Variants in PPIP5K1 observed in about 807,000 individuals in gnomAD.
PPIP5K1 encodes the protein inositol hexakisphosphate and diphosphoinositol-pentakisphosphate kinase 1.
PPIP5K1 carries 6 observed loss-of-function variants against 27.7 expected under a neutral mutation model. The ratio of observed to expected loss-of-function variants is 0.22; its 90% CI spans 0.12 to 0.43. PPIP5K1 has a LOEUF of 0.43. Ranked by LOEUF, PPIP5K1 falls within the 20% of genes least tolerant of loss-of-function variation. The pLI, the probability that PPIP5K1 is intolerant of heterozygous loss-of-function variation, is 1.00. For synonymous variants in PPIP5K1, 145 were observed against 242.6 expected, an observed-to-expected ratio of 0.60 and a Z score of 3.74; for missense variants, 394 against 635.4, an observed-to-expected ratio of 0.62 and a Z score of 4.08.
At chr15:43,538,633 T>G (rs575356028) in intron 31 of PPIP5K1, among the ~76,000 whole-genome samples, 7 of 152,284 alleles carry the variant, frequency 4.6e-5, no homozygotes, top group African/African-American at 1.7e-4. Flanking sequence ...TGCCTCAGCC[T>G]TCCGAGTAGC....
intron 30 of PPIP5K1, among the ~76,000 whole-genome samples, chr15:43,545,276 A>AC (rs1426289450): frequency 6.6e-6 from 1 of 151,914 alleles, no homozygotes; most frequent in Non-Finnish European, 1.5e-5. Context: ...ACCATTTTGT[A>AC]CCCCCACCAA....
intron 29 of PPIP5K1, 51 bp from the exon 30 acceptor site, chr15:43,558,983 C>A (rs748560546): frequency 4.4e-6 from 7 of 1,605,230 alleles, no homozygotes; most frequent in Admixed American, 3.3e-5. Context: ...CAGATATACC[C>A]CAACTGGCCA....
intron 31 of PPIP5K1, chr15:43,536,089 T>C: frequency 7.8e-7 from 1 of 1,285,720 alleles, no homozygotes; most frequent in Non-Finnish European, 1.0e-6. Flanking sequence ...CAGAAGAATG[T>C]AGAAAAACCA....
chr15:43,556,540 C>CA (rs34579673), intron 30 of PPIP5K1, among the ~76,000 whole-genome samples: 57,826 of 130,342 alleles, frequency 0.44, 14,441 homozygotes, highest in African/African-American at 0.73. Flanking sequence ...AACTCCATCT[C>CA]AAAAAAAAAA....
chr15:43,533,717 T>C lies in PPIP5K1; in HGVS notation c.*957A>G, dbSNP rs1253008059. The C allele has an allele frequency of 4.6e-5, 7 of 152,144 alleles. No individual in the cohort carries two copies. Among genetic ancestry groups the C allele is most frequent in the African/African-American group, 1.7e-4 (7 of 41,502 alleles). The allele number at this position is 152,144 out of a possible 1,614,324, so 9.4% of individuals were successfully genotyped here. On this transcript the variant is annotated 3_prime_UTR_variant, in exon 32 of 32. Coordinates refer to ENST00000420765, the MANE Select transcript of PPIP5K1 (RefSeq NM_001394395.1). ...AAATAAATATATATATATATATTTA[T>C]TAAACCTTTGCTTGTATCTGTACAA... is the stretch of plus-strand genomic sequence containing the variant.
Position 43,534,786 on chromosome 15 carries a change from G to C in PPIP5K1, c.4361C>G (p.Thr1454Ser). 1.9e-6 allele frequency: 3 copies of C among 1,588,384 alleles called. No homozygotes were observed. Among genetic ancestry groups the C allele is most frequent in the Non-Finnish European group, 2.6e-6 (3 of 1,168,296 alleles). Reference sequence around the variant, plus strand: ...CTGAGATAACAGATTGATCGCAGAAGTCTCCTGGGCCAGCCTGCCAACCTC... The same window carrying C: ...CTGAGATAACAGATTGATCGCAGAACTCTCCTGGGCCAGCCTGCCAACCTC... ...SVEVGRLAQETSAINLLSQGI... is the reference protein window; with the variant it reads ...SVEVGRLAQESSAINLLSQGI... Residue 1454 changes from threonine (T) to serine (S), a missense_variant, in exon 32 of 32, where the codon ACT becomes AGT. Coordinates refer to ENST00000420765, the MANE Select transcript of PPIP5K1 (RefSeq NM_001394395.1).
intron 30 of PPIP5K1, 40 bp downstream of exon 30, chr15:43,558,755 G>T: frequency 6.2e-7 from 1 of 1,609,486 alleles, no homozygotes; most frequent in Non-Finnish European, 8.5e-7. Context: ...GCATGGGCAT[G>T]GGGGCAGAGA....
At chr15:43,567,440 T>C (rs1395525378) in intron 26 of PPIP5K1, among the ~76,000 whole-genome samples, 1 of 4,214 alleles carries the variant, frequency 2.4e-4, no homozygotes, top group South Asian at 4.5e-3. Flanking sequence ...TTGTCATTTA[T>C]TTCTCATGCC....
chr15:43,555,661 C>G (rs2082842362), intron 30 of PPIP5K1, among the ~76,000 whole-genome samples: 1 of 151,084 alleles, frequency 6.6e-6, no homozygotes. Context: ...GGCTGGAGTA[C>G]AGTGGCACGA....
intron 8 of PPIP5K1, 170 bp from the exon 9 acceptor site, chr15:43,581,558 T>C: frequency 2.0e-6 from 1 of 512,626 alleles, no homozygotes; most frequent in Non-Finnish European, 3.4e-6. Flanking sequence ...TGAGCCTTAC[T>C]GAAGTATCAT....
At chr15:43,552,632 T>C (rs1057495858) in intron 30 of PPIP5K1, among the ~76,000 whole-genome samples, 5 of 147,824 alleles carry the variant, frequency 3.4e-5, no homozygotes, top group Non-Finnish European at 7.4e-5. Context: ...TAGCTGGAGG[T>C]CGAGGTTGCA....
intron 30 of PPIP5K1, among the ~76,000 whole-genome samples, chr15:43,546,545 C>G (rs1014638660): frequency 1.3e-5 from 2 of 152,022 alleles, no homozygotes; most frequent in Admixed American, 6.6e-5. Context: ...CCTGCCTTGG[C>G]CTAACAAAGA....
Position 43,535,013 on chromosome 15 carries a change from A to G in PPIP5K1, c.4134T>C (p.Ser1378=). 1 of 1,612,460 alleles carries G rather than the reference A, an allele frequency of 6.2e-7. No individual in the cohort carries two copies. The highest frequency in any genetic ancestry group is 2.2e-5 in the East Asian group (1 of 44,772). Residue 1378 remains serine, a synonymous_variant, in exon 32 of 32, where the codon TCT becomes TCC. Transcript: ENST00000420765. ...QKSSQLCQKV[S]EEVCQLCLEN... The stretch of plus-strand genomic sequence containing the variant: ...CCAGACATAGCTGGCAAACTTCCTC[A>G]GAGACTTTCTGGCACAGTTGGCTGG...
intron 30 of PPIP5K1, among the ~76,000 whole-genome samples, chr15:43,554,657 A>G (rs1017192348): frequency 6.6e-6 from 1 of 151,720 alleles, no homozygotes; most frequent in Non-Finnish European, 1.5e-5. Flanking sequence ...ACACACACAC[A>G]CACGCAGGCA....
Position 43,534,815 on chromosome 15 carries a change from A to C in PPIP5K1, c.4332T>G (p.Ser1444=). 6.2e-7 allele frequency: 1 copy of C among 1,609,208 alleles called. No homozygotes were observed. The highest frequency in any genetic ancestry group is 1.1e-5 in the South Asian group (1 of 90,440). Residue 1444 remains serine (S), a synonymous_variant, in exon 32 of 32, where the codon TCT becomes TCG. Coordinates refer to ENST00000420765, the MANE Select transcript of PPIP5K1 (RefSeq NM_001394395.1). ...EEVIQPYQEF[S]VEVGRLAQET... Reference sequence around the variant, plus strand: ...CCTGGGCCAGCCTGCCAACCTCCACAGAGAACTCCTGGTATGGCTGGATGA... The same window carrying C: ...CCTGGGCCAGCCTGCCAACCTCCACCGAGAACTCCTGGTATGGCTGGATGA...
intron 30 of PPIP5K1, among the ~76,000 whole-genome samples, chr15:43,554,618 CAT>C (rs1291978791): frequency 2.5e-5 from 3 of 119,246 alleles, no homozygotes; most frequent in Admixed American, 8.5e-5. Context: ...AGACACCTGG[CAT>C]ACACACACAC....
At chr15:43,541,589 C>G (rs775281003) in intron 30 of PPIP5K1, among the ~76,000 whole-genome samples, 1 of 151,950 alleles carries the variant, frequency 6.6e-6, no homozygotes, top group Non-Finnish European at 1.5e-5. Flanking sequence ...TGGTGGTGGG[C>G]GCCTGTAATC....
At chr15:43,549,908 C>T (rs545092350) in intron 30 of PPIP5K1, among the ~76,000 whole-genome samples, 81 of 152,172 alleles carry the variant, frequency 5.3e-4, no homozygotes, top group Non-Finnish European at 1.1e-3. Flanking sequence ...GAGGTCAAGG[C>T]TGCAGTGAGC....
intron 30 of PPIP5K1, 148 bp from the exon 31 acceptor site, chr15:43,539,731 C>A (rs2080413557): frequency 5.2e-6 from 3 of 580,558 alleles, no homozygotes; most frequent in East Asian, 5.8e-5. Flanking sequence ...TCAACCAAAC[C>A]ATTTTCAATT....
Sources: allele counts gnomAD v4.1 joint callset (sites outside exome capture counted in the v4.1 genomes callset), GRCh38; gene constraint gnomAD v4.1.1; transcripts MANE v1.5; gene names NCBI Gene and HGNC (gene_info 2026-07-23, HGNC 2026-07-21).